FHIT: variants seen among roughly 807,000 people sequenced by gnomAD.
FHIT encodes the protein bis(5'-adenosyl)-triphosphatase.
FHIT carries 19 observed loss-of-function variants against 17.9 expected under a neutral mutation model. That is an observed-to-expected ratio of 1.06 (90% CI 0.74 to 1.56). FHIT has a LOEUF of 1.56. Among genes scored for constraint, FHIT ranks in the 40% most tolerant of loss-of-function variants. The pLI, the probability that FHIT is intolerant of heterozygous loss-of-function variation, is 0.00. For synonymous variants in FHIT, 81 were observed against 69.7 expected, an observed-to-expected ratio of 1.16 and a Z score of -0.81; for missense variants, 248 against 189.2, an observed-to-expected ratio of 1.31 and a Z score of -1.82.
chr3:61,198,727 G>T (rs1195990415), intron 2 of FHIT, among the ~76,000 whole-genome samples: 1 of 152,062 alleles, frequency 6.6e-6, no homozygotes, highest in East Asian at 1.9e-4. Flanking sequence ...TGTATTACCT[G>T]AAAGTTACCT....
At chr3:59,862,226 A>T (rs1003850636) in intron 8 of FHIT, among the ~76,000 whole-genome samples, 1 of 152,230 alleles carries the variant, frequency 6.6e-6, no homozygotes, top group Non-Finnish European at 1.5e-5. Flanking sequence ...GGCACATCTT[A>T]CATGGTGGCA....
chr3:60,660,143 G>A (rs1553690680), intron 4 of FHIT, among the ~76,000 whole-genome samples: 2 of 152,062 alleles, frequency 1.3e-5, no homozygotes, highest in African/African-American at 4.8e-5. Context: ...GAAAAAAAAT[G>A]AAAACAAAAG....
chr3:60,084,714 A>G (rs1465989721), intron 5 of FHIT, among the ~76,000 whole-genome samples: 2 of 152,220 alleles, frequency 1.3e-5, no homozygotes, highest in African/African-American at 4.8e-5. Flanking sequence ...GGTTCCTACC[A>G]TATCATCTAC....
Position 60,156,519 on chromosome 3 carries a change from C to T in FHIT, c.104-142367G>A, listed in dbSNP as rs6790458. ...ATCCCAGCACTTTGGGAGGCCAAGG[C>T]GGAAGAATCACTAGAGCCCAGGAGT... is the stretch of plus-strand genomic sequence containing the variant. On this transcript the variant is annotated intron_variant, in intron 5 of 9. Coordinates refer to ENST00000492590, the MANE Select transcript of FHIT (RefSeq NM_002012.4). Among the ~76,000 whole-genome samples the T allele has an allele frequency of 4.7e-4, 71 of 151,986 alleles. 2 individuals are homozygous for T. The highest frequency in any genetic ancestry group is 2.5e-3 in the South Asian group (12 of 4,812).
chr3:61,075,448 A>C (rs2034944252), intron 2 of FHIT, among the ~76,000 whole-genome samples: 1 of 152,204 alleles, frequency 6.6e-6, no homozygotes, highest in Non-Finnish European at 1.5e-5. Flanking sequence ...ACAAAGAATT[A>C]AAATCATTAG....
At chr3:60,927,712 C>T (rs981233816) in intron 3 of FHIT, among the ~76,000 whole-genome samples, 1 of 151,600 alleles carries the variant, frequency 6.6e-6, no homozygotes, top group South Asian at 2.1e-4. Flanking sequence ...GCCCGGCAGC[C>T]GCCCCGTCTG....
chr3:59,757,254 A>AACAG (rs1414537775), intron 8 of FHIT, among the ~76,000 whole-genome samples: 5 of 152,196 alleles, frequency 3.3e-5, no homozygotes, highest in African/African-American at 1.2e-4. Flanking sequence ...ATTCACATTC[A>AACAG]ACAGACTGAA....
chr3:60,018,674 G>A (rs1700436176), intron 5 of FHIT, among the ~76,000 whole-genome samples: 1 of 152,006 alleles, frequency 6.6e-6, no homozygotes, highest in Non-Finnish European at 1.5e-5. Flanking sequence ...CCAAATCATA[G>A]AGCCTTAAAA....
At chr3:60,873,409 C>T (rs1330469641) in intron 3 of FHIT, among the ~76,000 whole-genome samples, 1 of 152,210 alleles carries the variant, frequency 6.6e-6, no homozygotes, top group Non-Finnish European at 1.5e-5. Context: ...AGTAAGCACT[C>T]AGCGCCGTCC....
intron 4 of FHIT, among the ~76,000 whole-genome samples, chr3:60,648,938 C>T (rs2039927685): frequency 6.6e-6 from 1 of 152,132 alleles, no homozygotes; most frequent in Admixed American, 6.5e-5. Flanking sequence ...ATTAATAGTC[C>T]AACTTTTATG....
chr3:60,526,237 C>T (rs2035571415), intron 5 of FHIT, among the ~76,000 whole-genome samples: 1 of 152,108 alleles, frequency 6.6e-6, no homozygotes, highest in Non-Finnish European at 1.5e-5. Context: ...ATACGGTAGT[C>T]TGCACTGGTG....
chr3:60,273,510 T>C (rs1027102140), intron 5 of FHIT, among the ~76,000 whole-genome samples: 1 of 152,044 alleles, frequency 6.6e-6, no homozygotes, highest in Non-Finnish European at 1.5e-5. Flanking sequence ...CTCAGGAGGC[T>C]GAGGGGGAGA....
In FHIT at chr3:59,749,516, G is replaced by GC; in HGVS notation, c.*68_*69insG. 1 of 84,916 alleles carries GC rather than the reference G, an allele frequency of 1.2e-5. No homozygotes were observed. Among genetic ancestry groups the GC allele is most frequent in the Non-Finnish European group, 1.9e-5 (1 of 52,076 alleles). 5.3% of individuals were successfully genotyped at this position (84,916 alleles called of 1,614,324 possible). A position where few individuals can be genotyped will look rare whatever the true frequency, so the allele number is the denominator to read the frequency against. ...GATTCAGTTCCTCTTGGGGAGAGGC[G>GC]GGGGGCGGTCTTCAAACTGGTTGGC... On this transcript the variant is annotated 3_prime_UTR_variant, in exon 10 of 10. Coordinates refer to ENST00000492590, the MANE Select transcript of FHIT (RefSeq NM_002012.4).
chr3:60,979,550 C>G (rs11920478), intron 3 of FHIT, among the ~76,000 whole-genome samples: 23,641 of 152,162 alleles, frequency 0.16, 1,947 homozygotes, highest in Middle Eastern at 0.23. Context: ...TGGCAGTTCT[C>G]CAGGGCAGAC....
intron 3 of FHIT, among the ~76,000 whole-genome samples, chr3:60,925,768 A>T (rs1707567049): frequency 6.6e-6 from 1 of 152,224 alleles, no homozygotes; most frequent in Non-Finnish European, 1.5e-5. Context: ...AGACTGGCAA[A>T]TTGGATAAAG....
chr3:60,674,598 C>T (rs2040580044), intron 4 of FHIT, among the ~76,000 whole-genome samples: 2 of 152,106 alleles, frequency 1.3e-5, no homozygotes, highest in South Asian at 2.1e-4. Context: ...TAGAACTGGT[C>T]TAGTTCAAAT....
intron 8 of FHIT, among the ~76,000 whole-genome samples, chr3:59,756,268 A>AACTT (rs1357071798): frequency 6.6e-6 from 1 of 152,308 alleles, no homozygotes; most frequent in South Asian, 2.1e-4. Context: ...GATCCAAAAC[A>AACTT]ACTTATTATA....
chr3:59,857,900 G>T (rs1179973427), intron 8 of FHIT, among the ~76,000 whole-genome samples: 1 of 152,106 alleles, frequency 6.6e-6, no homozygotes, highest in East Asian at 1.9e-4. Context: ...GAACAAGCCT[G>T]GATACAGAAA....
At position 59,910,898 on chromosome 3, in the gene FHIT, GA is replaced by G. The variant is rs201072501; in HGVS notation, c.348+11447del. ...TAGGAAAGATGGGAAAAAAAAGAAG[GA>G]AAAAAAATTGAAAACATTGTTTTGC... On this transcript the variant is annotated intron_variant, in intron 8 of 9. Coordinates refer to ENST00000492590, the MANE Select transcript of FHIT (RefSeq NM_002012.4). 8.0e-3 allele frequency among the ~76,000 whole-genome samples: 1,218 copies of G among 151,932 alleles called. 24 individuals carry two copies. The highest frequency in any genetic ancestry group is 0.028 in the African/African-American group (1,154 of 41,456).
Sources: gnomAD v4.1 joint callset for allele counts (sites outside exome capture counted in the v4.1 genomes callset) on GRCh38, gnomAD v4.1.1 for gene constraint, MANE v1.5 for transcripts, NCBI Gene and HGNC (gene_info 2026-07-23, HGNC 2026-07-21) for gene names.